ANXA1: variants seen among roughly 807,000 people sequenced by gnomAD.
ANXA1 encodes annexin A1.
A neutral mutation model predicts 47.9 loss-of-function variants in ANXA1; 39 were observed. That is an observed-to-expected ratio of 0.81 (90% CI 0.63 to 1.06). ANXA1 has a LOEUF of 1.06. Ranked by LOEUF, ANXA1 falls within the 50% of genes least tolerant of loss-of-function variation. ANXA1 has a pLI of 0.00. For missense variants in ANXA1, 446 were observed against 422.7 expected, an observed-to-expected ratio of 1.06 and a Z score of -0.48; for synonymous variants, 146 against 142.5, an observed-to-expected ratio of 1.02 and a Z score of -0.17.
At chr9:73,159,571 T>C (rs773221058) in intron 4 of ANXA1, 148 bp downstream of exon 4, 8 of 551,992 alleles carry the variant, frequency 1.4e-5, no homozygotes, top group Non-Finnish European at 2.4e-5. Context: ...TTATCCACTT[T>C]GTTGCAATTT....
In ANXA1 at chr9:73,170,215, C is replaced by A; in HGVS notation, c.*108C>A. The stretch of plus-strand genomic sequence containing the variant: ...TTCAACAGGATTACAGTGTAGCTAC[C>A]TACATGCTGAAAAATATAGCCTTTA... On this transcript the variant is annotated 3_prime_UTR_variant, in exon 13 of 13. Coordinates refer to ENST00000257497, the MANE Select transcript of ANXA1 (RefSeq NM_000700.3). 1 of 769,886 alleles carries A rather than the reference C, an allele frequency of 1.3e-6. No individual in the cohort carries two copies. The highest frequency in any genetic ancestry group is 2.0e-6 in the Non-Finnish European group (1 of 499,342). The allele number at this position is 769,886 out of a possible 1,614,324, so 47.7% of individuals were successfully genotyped here. A position where few individuals can be genotyped will look rare whatever the true frequency, so the allele number is the denominator to read the frequency against.
chr9:73,158,800 A>C lies in ANXA1; in HGVS notation c.172A>C (p.Lys58Gln). 6.2e-7 allele frequency: 1 copy of C among 1,613,078 alleles called. No homozygotes were observed. Residue 58 changes from lysine (K) to glutamine (Q), a missense_variant, in exon 3 of 13, where the codon AAA (lysine) becomes CAA (glutamine). Coordinates refer to ENST00000257497, the MANE Select transcript of ANXA1 (RefSeq NM_000700.3). Reference protein sequence around the residue: ...VAALHKAIMVKGVDEATIIDI... With the variant: ...VAALHKAIMVQGVDEATIIDI... ...TGCCTTGCATAAGGCCATAATGGTT[A>C]AAGGTAACGTGTTTCCTCAAAACAG...
intron 9 of ANXA1, 167 bp downstream of exon 9, chr9:73,165,376 T>A (rs1588224461): frequency 1.8e-6 from 1 of 540,566 alleles, no homozygotes; most frequent in East Asian, 3.2e-5. Flanking sequence ...TCCAATTTTG[T>A]ACAGCCGCTA....
At chr9:73,163,800 T>C (rs752029648) in intron 8 of ANXA1, among the ~76,000 whole-genome samples, 1 of 152,172 alleles carries the variant, frequency 6.6e-6, no homozygotes, top group Non-Finnish European at 1.5e-5. Context: ...CAAGAATTGT[T>C]TGTTAAAAAA....
Position 73,163,520 on chromosome 9 carries a change from T to C in ANXA1, c.600T>C (p.Asp200=), listed in dbSNP as rs771905093. 1 of 1,612,738 alleles carries C rather than the reference T, an allele frequency of 6.2e-7. No homozygotes were observed. Among genetic ancestry groups the C allele is most frequent in the Non-Finnish European group, 8.5e-7 (1 of 1,179,116 alleles). Residue 200 remains aspartate, a synonymous_variant, in exon 8 of 13, where the codon GAT becomes GAC. Transcript: ENST00000257497. ...EDFGVNEDLA[D]SDARALYEAG... Reference sequence around the variant, plus strand: ...TTGGTGTGAATGAAGACTTGGCTGATTCAGATGCCAGGGTAAGGAAGTGCT... The same window carrying C: ...TTGGTGTGAATGAAGACTTGGCTGACTCAGATGCCAGGGTAAGGAAGTGCT...
At position 73,165,042 on chromosome 9, in the gene ANXA1, G is replaced by A. The variant is rs73491652; in HGVS notation, c.613-74G>A. ...CAAAGCGATTGCCTATATAATCTTTGACAAGGTCTAACATTATTGTGCAGA... is the reference window on the plus strand; with the variant it reads ...CAAAGCGATTGCCTATATAATCTTTAACAAGGTCTAACATTATTGTGCAGA... On this transcript the variant is annotated intron_variant, in intron 8 of 12. Coordinates refer to ENST00000257497, the MANE Select transcript of ANXA1 (RefSeq NM_000700.3). 1.1e-3 allele frequency: 1,318 copies of A among 1,228,896 alleles called. 11 individuals are homozygous for A. The African/African-American group carries it at 0.018, about 16-fold the overall frequency. The allele number at this position is 1,228,896 out of a possible 1,614,324, so 76.1% of individuals were successfully genotyped here. A position where few individuals can be genotyped will look rare whatever the true frequency, so the allele number is the denominator to read the frequency against.
At chr9:73,153,450 G>T (rs543640869) in intron 1 of ANXA1, among the ~76,000 whole-genome samples, 34 of 152,260 alleles carry the variant, frequency 2.2e-4, no homozygotes, top group African/African-American at 7.5e-4. Context: ...TTTATATAAT[G>T]CCTTCCTTCA....
At chr9:73,154,188 C>T (rs1289933830) in intron 1 of ANXA1, 2 of 619,654 alleles carry the variant, frequency 3.2e-6, no homozygotes, top group Non-Finnish European at 2.6e-6. Flanking sequence ...TAATTGCTTT[C>T]TCTCACCAGG....
chr9:73,158,949 T>C (rs1824094430), intron 3 of ANXA1, 146 bp downstream of exon 3: 1 of 714,464 alleles, frequency 1.4e-6, no homozygotes, highest in African/African-American at 1.8e-5. Flanking sequence ...GATGTAATTA[T>C]TTACTTAACA....
At chr9:73,154,282 G>A in intron 1 of ANXA1, 1 of 1,364,824 alleles carries the variant, frequency 7.3e-7, no homozygotes. Flanking sequence ...ACTCCCTAAG[G>A]CTGGGGTGAA....
intron 1 of ANXA1, chr9:73,158,261 TG>T (rs1194533976): frequency 7.8e-6 from 3 of 382,886 alleles, no homozygotes; most frequent in Non-Finnish European, 1.5e-5. Context: ...AGTAGTTGTC[TG>T]ATCTCTAAAA....
chr9:73,168,511 A>C (rs1158107890), intron 11 of ANXA1: 1 of 152,424 alleles, frequency 6.6e-6, no homozygotes, highest in Non-Finnish European at 1.5e-5. Flanking sequence ...AAGAGGAAGA[A>C]GTAACCCACA....
intron 1 of ANXA1, among the ~76,000 whole-genome samples, chr9:73,157,267 T>C (rs1052033132): frequency 6.6e-6 from 1 of 152,180 alleles, no homozygotes; most frequent in South Asian, 2.1e-4. Context: ...ACTAAATTAT[T>C]CAGGGAGAAA....
At chr9:73,161,033 T>C in intron 6 of ANXA1, 140 bp downstream of exon 6, 1 of 603,700 alleles carries the variant, frequency 1.7e-6, no homozygotes, top group East Asian at 2.8e-5. Flanking sequence ...GTTTGGCACA[T>C]GTCTATTAAA....
intron 7 of ANXA1, 53 bp downstream of exon 7, chr9:73,162,914 T>C: frequency 7.0e-7 from 1 of 1,422,418 alleles, no homozygotes; most frequent in Non-Finnish European, 9.9e-7. Context: ...GACTAATTTC[T>C]TAGTCCATTT....
chr9:73,161,043 A>G, intron 6 of ANXA1, 150 bp downstream of exon 6: 1 of 565,976 alleles, frequency 1.8e-6, no homozygotes, highest in Non-Finnish European at 3.1e-6. Flanking sequence ...TGTCTATTAA[A>G]TGCTGTTACC....
rs761710205 is a variant in ANXA1 at position 73,165,129 on chromosome 9, CAGGAGAA to C, written c.637_643del (p.Arg213GlyfsTer4). 1.9e-6 allele frequency: 3 copies of C among 1,612,392 alleles called. No individual in the cohort carries two copies. Among genetic ancestry groups the C allele is most frequent in the Non-Finnish European group, 2.5e-6 (3 of 1,178,858 alleles). On this transcript the variant is annotated frameshift_variant, in exon 9 of 13. Transcript: ENST00000257497. LOFTEE classifies it high-confidence loss of function. The stretch of plus-strand genomic sequence containing the variant: ...GTTTCTTGACAGGCCTTGTATGAAG[CAGGAGAA>C]AGGAGAAAGGGGACAGACGTAAACG...
intron 8 of ANXA1, among the ~76,000 whole-genome samples, chr9:73,164,554 A>C (rs1824195228): frequency 6.6e-6 from 1 of 152,154 alleles, no homozygotes; most frequent in Non-Finnish European, 1.5e-5. Flanking sequence ...ATGGTAGTCA[A>C]CATTTCAAAG....
chr9:73,158,368 T>G, intron 1 of ANXA1, 154 bp from the exon 2 acceptor site: 1 of 597,784 alleles, frequency 1.7e-6, no homozygotes, highest in Non-Finnish European at 2.9e-6. Context: ...AAATTACGTC[T>G]TACATTTTGT....
Sources: gnomAD v4.1 joint callset for allele counts (sites outside exome capture counted in the v4.1 genomes callset) on GRCh38, gnomAD v4.1.1 for gene constraint, MANE v1.5 for transcripts, NCBI Gene and HGNC (gene_info 2026-07-23, HGNC 2026-07-21) for gene names.